Variants in KIF3A observed in about 807,000 individuals in gnomAD.
KIF3A encodes kinesin family member 3A.
Under a neutral mutation model 92.6 loss-of-function variants are expected in KIF3A, and 27 were observed. That is an observed-to-expected ratio of 0.29 (90% CI 0.21 to 0.40). KIF3A has a LOEUF of 0.40. Ranked by LOEUF, KIF3A falls within the 10% of genes least tolerant of loss-of-function variation. The pLI, the probability that KIF3A is intolerant of heterozygous loss-of-function variation, is 1.00. For missense variants in KIF3A, 581 were observed against 872.6 expected (o/e 0.67, Z 4.21); for synonymous variants, 250 against 275.4 (o/e 0.91, Z 0.92).
chr5:132,729,817 C>T (rs567172463), intron 2 of KIF3A, among the ~76,000 whole-genome samples: 1 of 151,918 alleles, frequency 6.6e-6, no homozygotes, highest in East Asian at 1.9e-4. Context: ...ACCATGGCCT[C>T]AGCTTCCACT....
At chr5:132,689,253 T>A (rs1411827420), downstream of KIF3A, among the ~76,000 whole-genome samples, 1 of 152,258 alleles carries the variant, frequency 6.6e-6, no homozygotes, top group Non-Finnish European at 1.5e-5. Flanking sequence ...CAGCTCGCTT[T>A]AAGTTCAGGC....
At chr5:132,728,888 C>A (rs1002337648) in intron 2 of KIF3A, among the ~76,000 whole-genome samples, 1 of 151,984 alleles carries the variant, frequency 6.6e-6, no homozygotes, top group African/African-American at 2.4e-5. Flanking sequence ...CTAGGCAACA[C>A]CTAGGCAACA....
intron 2 of KIF3A, among the ~76,000 whole-genome samples, chr5:132,731,131 T>C (rs1409901048): frequency 6.6e-6 from 1 of 152,178 alleles, no homozygotes; most frequent in Non-Finnish European, 1.5e-5. Flanking sequence ...TCTAGACAAA[T>C]TCTTCTAGAA....
In KIF3A at chr5:132,695,658, T is replaced by A. The variant is rs908753086; in HGVS notation, c.*976A>T. 1.2e-4 allele frequency: 9 copies of A among 77,628 alleles called. No individual in the cohort carries two copies. Among genetic ancestry groups the A allele is most frequent in the Non-Finnish European group, 1.7e-4 (7 of 41,514 alleles). The allele number at this position is 77,628 out of a possible 1,614,324, so 4.8% of individuals were successfully genotyped here. On this transcript the variant is annotated 3_prime_UTR_variant, in exon 19 of 19. Transcript: ENST00000403231. Reference sequence around the variant, plus strand: ...AGAAAATAATATTTTATTTTTAAAATAGAAAAACAAAATAAAAAAGTGTTT... The same window carrying A: ...AGAAAATAATATTTTATTTTTAAAAAAGAAAAACAAAATAAAAAAGTGTTT...
Position 132,708,959 on chromosome 5 carries a change from A to T in KIF3A, c.1248T>A (p.Ser416Arg). ...CTATGACAGAACATGTGGAGTCTGA[A>T]CTACTGCTGCTGCTACTGCCTGGAA... ...KKRRGSSSSSSSDSTCSVIEK... is the reference protein window; with the variant it reads ...KKRRGSSSSSRSDSTCSVIEK... The change falls in exon 10 of 19, where the codon AGT becomes AGA. Residue 416 changes from serine to arginine, a missense_variant. By Grantham distance (110) the Ser-to-Arg change is moderately radical. Coordinates refer to ENST00000403231, the MANE Select transcript of KIF3A (RefSeq NM_001300791.2). 1.3e-6 allele frequency: 2 copies of T among 1,550,278 alleles called. No homozygotes were observed. The highest frequency in any genetic ancestry group is 1.7e-6 in the Non-Finnish European group (2 of 1,146,752).
chr5:132,706,558 G>C, intron 10 of KIF3A, 99 bp from the exon 11 acceptor site: 1 of 950,218 alleles, frequency 1.1e-6, no homozygotes, highest in South Asian at 1.7e-5. Context: ...GTGAAACAAA[G>C]AAAAATATAT....
rs145403816 is a variant in KIF3A, at chr5:132,694,112, G to C, written c.*2522C>G. ...TTTTTAAAAAACTGCTATAGTAGGC[G>C]GGGTGTGGTGGCTCAGGCCTATAAT... is the stretch of plus-strand genomic sequence containing the variant. On this transcript the variant is annotated 3_prime_UTR_variant, in exon 19 of 19. Transcript: ENST00000403231. The C allele has an allele frequency of 6.6e-6, 1 of 150,944 alleles. No individual in the cohort carries two copies. The highest frequency in any genetic ancestry group is 2.4e-5 in the African/African-American group (1 of 41,012). 9.4% of individuals were successfully genotyped at this position (150,944 alleles called of 1,614,324 possible).
chr5:132,736,305 G>A (rs1754386451), intron 1 of KIF3A, among the ~76,000 whole-genome samples: 1 of 152,152 alleles, frequency 6.6e-6, no homozygotes, highest in African/African-American at 2.4e-5. Context: ...AATTTCTAAA[G>A]TCTCTTCTTG....
intron 2 of KIF3A, among the ~76,000 whole-genome samples, chr5:132,730,066 T>TA (rs1235808911): frequency 6.6e-6 from 1 of 152,186 alleles, no homozygotes; most frequent in Non-Finnish European, 1.5e-5. Flanking sequence ...ACATTCAACA[T>TA]ACTAAAAGAA....
rs753158455 is a variant in KIF3A, at chr5:132,720,660, C to T, written c.565G>A (p.Val189Ile). The change falls in exon 5 of 19, where the codon GTA (valine) becomes ATA (isoleucine). Residue 189 changes from valine to isoleucine, a missense_variant. By Grantham distance (29) the Val-to-Ile change is conservative. Around this residue, in one of 5 missense-constraint regions of KIF3A, gnomAD observed 217 missense variants for 299.7 expected, o/e 0.72. Transcript: ENST00000403231. ...CTATCCATATCATCAGCATTATTTA[C>T]CACATAAGCTGATAAATCTTTGATA... ...VYIKDLSAYV[V>I]NNADDMDRIM... The T allele has an allele frequency of 1.9e-6, 3 of 1,612,264 alleles. No homozygotes were observed. The highest frequency in any genetic ancestry group is 2.5e-6 in the Non-Finnish European group (3 of 1,178,978).
chr5:132,699,033 C>T, intron 18 of KIF3A, 138 bp downstream of exon 18: 1 of 894,548 alleles, frequency 1.1e-6, no homozygotes, highest in Non-Finnish European at 1.7e-6. Context: ...CCACTGTGCC[C>T]AGCCAGGAAT....
intron 4 of KIF3A, among the ~76,000 whole-genome samples, chr5:132,721,066 G>C (rs1258160293): frequency 1.3e-5 from 2 of 152,096 alleles, no homozygotes; most frequent in African/African-American, 4.8e-5. Flanking sequence ...AAGAAAATGT[G>C]CAAGAATCCT....
chr5:132,729,960 GAGA>G (rs1273933948), intron 2 of KIF3A, among the ~76,000 whole-genome samples: 5 of 152,184 alleles, frequency 3.3e-5, no homozygotes, highest in East Asian at 3.9e-4. Context: ...CTGGTTCTCT[GAGA>G]AGATCGATAA....
rs111980319 is a variant in KIF3A, at chr5:132,700,199, T to G, written c.2007+17A>C. The G allele has an allele frequency of 5.9e-3, 8,486 of 1,449,000 alleles. 378 individuals carry two copies. The African/African-American group carries it at 0.1, about 17-fold the overall frequency. The allele number at this position is 1,449,000 out of a possible 1,614,324, so 89.8% of individuals were successfully genotyped here. ...GTAGTTTTGTGTTTTGTTTTGTTTT[T>G]TTTTAAGTACTCTTACATCTTTCTC... On this transcript the variant is annotated intron_variant, in intron 17 of 18. Transcript: ENST00000403231.
At chr5:132,705,195 A>G (rs1408216387) in intron 11 of KIF3A, among the ~76,000 whole-genome samples, 2 of 151,952 alleles carry the variant, frequency 1.3e-5, no homozygotes, top group Non-Finnish European at 2.9e-5. Context: ...TTCCCAAACT[A>G]CTTATCCCAT....
At chr5:132,707,527 C>T (rs1183280565) in intron 10 of KIF3A, among the ~76,000 whole-genome samples, 12 of 152,208 alleles carry the variant, frequency 7.9e-5, no homozygotes, top group Non-Finnish European at 1.8e-4. Flanking sequence ...ATTGCAACGC[C>T]TCCCACTCAA....
At chr5:132,734,568 C>G in intron 1 of KIF3A, 90 bp from the exon 2 acceptor site, 2 of 1,151,134 alleles carry the variant, frequency 1.7e-6, no homozygotes, top group Non-Finnish European at 2.4e-6. Context: ...GGCTACTTTT[C>G]CAACTCAGTG....
chr5:132,727,642 T>G (rs533335712), intron 2 of KIF3A, among the ~76,000 whole-genome samples: 9 of 152,242 alleles, frequency 5.9e-5, no homozygotes, highest in African/African-American at 2.2e-4. Flanking sequence ...AAGGACGGTA[T>G]TAAACTTTTT....
chr5:132,704,754 T>C (rs1213349989), intron 11 of KIF3A, among the ~76,000 whole-genome samples: 3 of 151,842 alleles, frequency 2.0e-5, no homozygotes, highest in Admixed American at 6.6e-5. Flanking sequence ...AGAGTGTAAA[T>C]CATAAGAGTG....
Sources: allele counts gnomAD v4.1 joint callset (sites outside exome capture counted in the v4.1 genomes callset), GRCh38; gene constraint gnomAD v4.1.1; regional missense constraint gnomAD v4.1.1; transcripts MANE v1.5; gene names NCBI Gene and HGNC (gene_info 2026-07-23, HGNC 2026-07-21).